The following SGSM3 variants were observed in gnomAD, a reference collection of about 807,000 sequenced individuals.
The protein encoded by SGSM3 is RUN and SH3 containing 3.
Under a neutral mutation model 100.5 loss-of-function variants are expected in SGSM3, and 96 were observed. That is an observed-to-expected ratio of 0.96 (90% confidence interval 0.81 to 1.13). SGSM3 has a LOEUF of 1.13. Among genes scored for constraint, SGSM3 ranks in the 50% most tolerant of loss-of-function variants. SGSM3 has a pLI of 0.00. For synonymous variants in SGSM3, 483 were observed against 422.8 expected (o/e 1.14, Z -1.75); for missense variants, 1,001 against 1,015.8 (o/e 0.99, Z 0.20).
rs772241050 is a variant in SGSM3 at position 40,405,730 on chromosome 22, G to A, written c.700G>A (p.Ala234Thr). 1.4e-5 allele frequency: 23 copies of A among 1,613,646 alleles called. 1 individual carries two copies. Among genetic ancestry groups the A allele is most frequent in the South Asian group, 5.5e-5 (5 of 91,078 alleles). ...MSAIIEDLLP[A>T]SYFSTTLLGV... ...TGCCATCATCGAGGACCTGCTCCCC[G>A]CCTCCTACTTCAGCACCACCCTGCT... The change falls in exon 8 of 22, where the codon GCC (alanine) becomes ACC (threonine). Residue 234 changes from alanine to threonine, a missense_variant. Physicochemically the swap from Ala to Thr is moderately conservative, Grantham distance 58 (BLOSUM62 0). Transcript: ENST00000248929.
In SGSM3 at chr22:40,406,527, T is replaced by C; in HGVS notation, c.1050T>C (p.Leu350=). 6.2e-7 allele frequency: 1 copy of C among 1,613,078 alleles called. No individual in the cohort carries two copies. The highest frequency in any genetic ancestry group is 8.5e-7 in the Non-Finnish European group (1 of 1,179,912). Residue 350 remains leucine (L), a synonymous_variant, in exon 10 of 22, where the codon CTT becomes CTC. Transcript: ENST00000248929. The stretch of plus-strand genomic sequence containing the variant: ...CGCAGATGGAGGACGCGGAGCTGCT[T>C]CTGGGGGTGGCCATGCGGCTGGCCG... ...IPSQMEDAEL[L]LGVAMRLAGS...
At chr22:40,373,969 G>A (rs1223994613) in intron 1 of SGSM3, among the ~76,000 whole-genome samples, 2 of 150,290 alleles carry the variant, frequency 1.3e-5, no homozygotes, top group Admixed American at 1.3e-4. Flanking sequence ...TTATTTTTGA[G>A]ACGGAGTCTC....
rs2051727934 is a variant in SGSM3 at position 40,407,352 on chromosome 22, G to A, written c.1368+24G>A. ...TGGTGAGTCGCCAGCTCCCTGGGCT[G>A]CTACCAAACACGGCCCTAACTCCTC... On this transcript the variant is annotated intron_variant, in intron 12 of 21. Transcript: ENST00000248929. This position sits in a 1 kb window ranked among gnomAD's most constrained non-coding sequence, Gnocchi z 4.7. The A allele has an allele frequency of 1.2e-6, 2 of 1,613,150 alleles. No homozygotes were observed. The highest frequency in any genetic ancestry group is 1.3e-5 in the African/African-American group (1 of 75,062).
At chr22:40,373,068 T>C (rs1225487241) in intron 1 of SGSM3, 1 of 152,214 alleles carries the variant, frequency 6.6e-6, no homozygotes, top group Non-Finnish European at 1.5e-5. Context: ...ACAAGATATG[T>C]GGGAGGGGTT....
chr22:40,406,753 A>C, intron 10 of SGSM3, 91 bp downstream of exon 10: 2 of 1,138,380 alleles, frequency 1.8e-6, no homozygotes, highest in African/African-American at 1.5e-5. Flanking sequence ...TGCGGAAAAC[A>C]AACCAGCCCT....
At position 40,409,840 on chromosome 22, in the gene SGSM3, C is replaced by A; in HGVS notation, c.*81C>A. ...AGCTGCAGAGCCCAGGGAAGAGCAG[C>A]TCCAGAGCCCTGGCCGGGGCCGCGG... On this transcript the variant is annotated 3_prime_UTR_variant, in exon 22 of 22. Transcript: ENST00000248929. 1 of 1,532,428 alleles carries A rather than the reference C, an allele frequency of 6.5e-7. No individual in the cohort carries two copies. The allele number at this position is 1,532,428 out of a possible 1,614,324, so 94.9% of individuals were successfully genotyped here.
At position 40,402,215 on chromosome 22, in the gene SGSM3, A is replaced by C; in HGVS notation, c.157+10A>C. ...CGTGTGTACAAGGAAGGTAAACTTG[A>C]GCCCCTTTTGTGTGTCATCTTGCTG... On this transcript the variant is annotated intron_variant, in intron 4 of 21. Transcript: ENST00000248929. The C allele has an allele frequency of 6.2e-7, 1 of 1,609,738 alleles. No individual in the cohort carries two copies. The highest frequency in any genetic ancestry group is 8.5e-7 in the Non-Finnish European group (1 of 1,176,006).
In SGSM3 at chr22:40,410,140, G is replaced by C; in HGVS notation, c.*381G>C. On this transcript the variant is annotated 3_prime_UTR_variant, in exon 22 of 22. Coordinates refer to ENST00000248929, the MANE Select transcript of SGSM3 (RefSeq NM_015705.6). The stretch of plus-strand genomic sequence containing the variant: ...ACCTGTCTTCTGTGCAGCTAGGGCT[G>C]CAGAGCTGTATTCAGGTCCAAGGTT... The C allele has an allele frequency of 1.8e-6, 2 of 1,123,418 alleles. No homozygotes were observed. Among genetic ancestry groups the C allele is most frequent in the Non-Finnish European group, 2.2e-6 (2 of 918,150 alleles). The allele number at this position is 1,123,418 out of a possible 1,614,324, so 69.6% of individuals were successfully genotyped here.
chr22:40,408,528 G>A, intron 16 of SGSM3, 99 bp downstream of exon 16: 1 of 1,591,046 alleles, frequency 6.3e-7, no homozygotes, highest in Non-Finnish European at 8.6e-7. Flanking sequence ...GAGAGGATGG[G>A]AAGAGCTGGC....
chr22:40,386,435 A>G (rs761122506), intron 1 of SGSM3, among the ~76,000 whole-genome samples: 5 of 152,140 alleles, frequency 3.3e-5, no homozygotes, highest in African/African-American at 7.2e-5. Context: ...ATGTAATCCA[A>G]TGGGCCTGTC....
At position 40,405,316 on chromosome 22, in the gene SGSM3, C is replaced by T. The variant is rs775507490; in HGVS notation, c.618+32C>T. On this transcript the variant is annotated intron_variant, in intron 7 of 21. Transcript: ENST00000248929. ...ACAGCCCCAGAAAGGGCAGTGGCAG[C>T]CCCAGGACCCCCTCCAGGACCCTAA... 2.8e-6 allele frequency: 4 copies of T among 1,445,850 alleles called. No individual in the cohort carries two copies. The Admixed American group carries it at 1.1e-4, about 38-fold the overall frequency. The allele number at this position is 1,445,850 out of a possible 1,614,324, so 89.6% of individuals were successfully genotyped here.
intron 1 of SGSM3, among the ~76,000 whole-genome samples, chr22:40,371,790 G>A (rs952951034): frequency 2.0e-5 from 3 of 151,732 alleles, no homozygotes; most frequent in Non-Finnish European, 2.9e-5. Context: ...TCCGCCTCCC[G>A]GATTCAAGTG....
chr22:40,407,398 T>C lies in SGSM3; in HGVS notation c.1369-15T>C, dbSNP rs2051739768. On this transcript the variant is annotated splice_polypyrimidine_tract_variant and intron_variant, in intron 12 of 21. Coordinates refer to ENST00000248929, the MANE Select transcript of SGSM3 (RefSeq NM_015705.6). This position sits in a 1 kb window ranked among gnomAD's most constrained non-coding sequence, Gnocchi z 4.7. Reference sequence around the variant, plus strand: ...TCCTCCAACCCCCTTGGTGGGCCTGTGTTCACTGTGGCAGGAGCTGACTCC... The same window carrying C: ...TCCTCCAACCCCCTTGGTGGGCCTGCGTTCACTGTGGCAGGAGCTGACTCC... 6.2e-7 allele frequency: 1 copy of C among 1,611,426 alleles called. No individual in the cohort carries two copies. The highest frequency in any genetic ancestry group is 8.5e-7 in the Non-Finnish European group (1 of 1,178,430).
Position 40,410,012 on chromosome 22 carries a change from G to A in SGSM3, c.*253G>A. On this transcript the variant is annotated 3_prime_UTR_variant, in exon 22 of 22. Coordinates refer to ENST00000248929, the MANE Select transcript of SGSM3 (RefSeq NM_015705.6). ...AAAAACCTTGTGAGGAGGTGGGGGA[G>A]CCATGTCTGTGCTCAGGAAGAGGGA... The A allele has an allele frequency of 7.5e-7, 1 of 1,336,044 alleles. No individual in the cohort carries two copies. Among genetic ancestry groups the A allele is most frequent in the Non-Finnish European group, 9.5e-7 (1 of 1,049,302 alleles). The allele number at this position is 1,336,044 out of a possible 1,614,324, so 82.8% of individuals were successfully genotyped here.
Position 40,410,017 on chromosome 22 carries a change from G to C in SGSM3, c.*258G>C, listed in dbSNP as rs1386797771. 7.5e-7 allele frequency: 1 copy of C among 1,332,324 alleles called. No individual in the cohort carries two copies. Among genetic ancestry groups the C allele is most frequent in the Non-Finnish European group, 9.6e-7 (1 of 1,047,034 alleles). The allele number at this position is 1,332,324 out of a possible 1,614,324, so 82.5% of individuals were successfully genotyped here. ...CCTTGTGAGGAGGTGGGGGAGCCAT[G>C]TCTGTGCTCAGGAAGAGGGAAGGGG... is the stretch of plus-strand genomic sequence containing the variant. On this transcript the variant is annotated 3_prime_UTR_variant, in exon 22 of 22. Coordinates refer to ENST00000248929, the MANE Select transcript of SGSM3 (RefSeq NM_015705.6).
chr22:40,386,331 G>T (rs1466233981), intron 1 of SGSM3, among the ~76,000 whole-genome samples: 1 of 152,126 alleles, frequency 6.6e-6, no homozygotes, highest in East Asian at 1.9e-4. Flanking sequence ...ATAATATAAA[G>T]ATATGGACTG....
chr22:40,371,763 C>T (rs991504439), intron 1 of SGSM3, among the ~76,000 whole-genome samples: 1 of 151,884 alleles, frequency 6.6e-6, no homozygotes, highest in African/African-American at 2.4e-5. Flanking sequence ...ATGACATGAT[C>T]TCGGCTCACT....
chr22:40,409,781 C>G lies in SGSM3; in HGVS notation c.*22C>G. Reference sequence around the variant, plus strand: ...GTGACCCCCTCCTCCCCAGCCCAACCTCGGGCCTGCGTCTGAGGTGGCCCA... The same window carrying G: ...GTGACCCCCTCCTCCCCAGCCCAACGTCGGGCCTGCGTCTGAGGTGGCCCA... On this transcript the variant is annotated 3_prime_UTR_variant, in exon 22 of 22. Coordinates refer to ENST00000248929, the MANE Select transcript of SGSM3 (RefSeq NM_015705.6). 6.3e-7 allele frequency: 1 copy of G among 1,599,970 alleles called. No homozygotes were observed. Among genetic ancestry groups the G allele is most frequent in the African/African-American group, 1.3e-5 (1 of 74,926 alleles).
rs2050826354 is a variant in SGSM3 at position 40,402,057 on chromosome 22, C to G, written c.91-82C>G. On this transcript the variant is annotated intron_variant, in intron 3 of 21. Coordinates refer to ENST00000248929, the MANE Select transcript of SGSM3 (RefSeq NM_015705.6). ...GAAGGCTGGGTGGGATTTTAGCAGGCAACCCTGTGGGTGGCATCTTTCAGA... is the reference window on the plus strand; with the variant it reads ...GAAGGCTGGGTGGGATTTTAGCAGGGAACCCTGTGGGTGGCATCTTTCAGA... 17 of 1,085,716 alleles carry G rather than the reference C, an allele frequency of 1.6e-5. No individual in the cohort carries two copies. In the East Asian group the frequency reaches 4.0e-4, roughly 26 times the overall value. The allele number at this position is 1,085,716 out of a possible 1,614,324, so 67.3% of individuals were successfully genotyped here.
Sources: gnomAD v4.1 joint callset for allele counts (sites outside exome capture counted in the v4.1 genomes callset) on GRCh38, gnomAD v4.1.1 for gene constraint, Gnocchi (gnomAD v3.1) non-coding constraint, MANE v1.5 for transcripts, NCBI Gene and HGNC (gene_info 2026-07-23, HGNC 2026-07-21) for gene names.